Variants in AK8 observed in about 807,000 individuals in gnomAD.
The protein encoded by AK8 is ATP-AMP transphosphorylase 8.
Under a neutral mutation model 54.6 loss-of-function variants are expected in AK8, and 44 were observed. The observed-to-expected ratio is 0.81, with a 90% CI of 0.63 to 1.04. The LOEUF (loss-of-function observed/expected upper bound fraction) is 1.04, where lower values mean the gene tolerates loss of function less well. Among genes scored for constraint, AK8 ranks in the 50% least tolerant of loss-of-function variants. The pLI, the probability that AK8 is intolerant of heterozygous loss-of-function variation, is 0.00. For synonymous variants in AK8, 239 were observed against 245.6 expected (o/e 0.97, Z 0.25); for missense variants, 555 against 613.6 (o/e 0.90, Z 1.01).
At chr9:132,767,389 A>G (rs1355674658) in intron 11 of AK8, among the ~76,000 whole-genome samples, 1 of 152,232 alleles carries the variant, frequency 6.6e-6, no homozygotes, top group Non-Finnish European at 1.5e-5. Flanking sequence ...TGGAAATGCA[A>G]ATTAAAACCA....
intron 5 of AK8, among the ~76,000 whole-genome samples, chr9:132,834,968 C>A (rs1270054958): frequency 3.3e-5 from 5 of 151,746 alleles, no homozygotes; most frequent in Non-Finnish European, 7.4e-5. Context: ...CTCCCGGGTT[C>A]AAGTGATTCT....
At chr9:132,787,666 T>C (rs181629323) in intron 11 of AK8, among the ~76,000 whole-genome samples, 3 of 152,132 alleles carry the variant, frequency 2.0e-5, no homozygotes, top group Admixed American at 1.3e-4. Context: ...GATATAGAAA[T>C]AAAATATCGA....
chr9:132,829,340 C>T (rs539909318), intron 5 of AK8, among the ~76,000 whole-genome samples: 1 of 152,118 alleles, frequency 6.6e-6, no homozygotes, highest in Non-Finnish European at 1.5e-5. Context: ...TCCACATTAT[C>T]AACGGCTGTG....
intron 9 of AK8, among the ~76,000 whole-genome samples, chr9:132,821,284 C>A (rs1468483304): frequency 1.3e-5 from 2 of 151,964 alleles, no homozygotes; most frequent in African/African-American, 2.4e-5. Context: ...TCACTCTGTC[C>A]CTTCCCGTAA....
intron 5 of AK8, among the ~76,000 whole-genome samples, chr9:132,849,504 C>T (rs965922321): frequency 2.0e-5 from 3 of 152,180 alleles, no homozygotes; most frequent in South Asian, 2.1e-4. Context: ...TGTCCACCCC[C>T]GATTTAGAAT....
intron 11 of AK8, among the ~76,000 whole-genome samples, chr9:132,775,006 G>C (rs1839148969): frequency 6.6e-6 from 1 of 152,194 alleles, no homozygotes; most frequent in African/African-American, 2.4e-5. Flanking sequence ...GTCTTTTCAG[G>C]AGGGGAAATT....
intron 11 of AK8, 98 bp downstream of exon 11, chr9:132,792,536 C>G: frequency 7.0e-7 from 1 of 1,432,476 alleles, no homozygotes; most frequent in Non-Finnish European, 9.3e-7. Flanking sequence ...TTCAGGAACA[C>G]GTGAAGGCTT....
Position 132,826,446 on chromosome 9 carries a change from T to C in AK8, c.757+408A>G, listed in dbSNP as rs1241732472. Among the ~76,000 whole-genome samples the C allele has an allele frequency of 6.6e-6, 1 of 152,212 alleles. No homozygotes were observed. The highest frequency in any genetic ancestry group is 1.5e-5 in the Non-Finnish European group (1 of 68,036). On this transcript the variant is annotated intron_variant, in intron 8 of 12. Coordinates refer to ENST00000298545, the MANE Select transcript of AK8 (RefSeq NM_152572.3). The surrounding 1 kb of genome is among the most constrained non-coding windows in gnomAD (Gnocchi z 4.5). ...CCTGTGCTGTGTGTGTGTGTTTTATTGTGTTGTGTGTGGTGGTGGTGGTTT... is the reference window on the plus strand; with the variant it reads ...CCTGTGCTGTGTGTGTGTGTTTTATCGTGTTGTGTGTGGTGGTGGTGGTTT...
intron 1 of AK8, among the ~76,000 whole-genome samples, chr9:132,875,786 A>G (rs1035156342): frequency 5.3e-5 from 8 of 152,314 alleles, no homozygotes; most frequent in East Asian, 1.9e-4. Context: ...GTCTGCCTAG[A>G]GCCCTTGGCA....
rs918157479 is a variant in AK8 at position 132,809,129 on chromosome 9, G to A, written c.979+5509C>T. Reference sequence around the variant, plus strand: ...CTAACAGGCAGGGGAGTGACTGGGTGCTTTCCTATGTTCCCAGGAATGCCG... The same window carrying A: ...CTAACAGGCAGGGGAGTGACTGGGTACTTTCCTATGTTCCCAGGAATGCCG... On this transcript the variant is annotated intron_variant, in intron 10 of 12. Transcript: ENST00000298545. 4.6e-5 allele frequency among the ~76,000 whole-genome samples: 7 copies of A among 152,216 alleles called. 1 individual carries two copies. The South Asian group carries it at 1.4e-3, about 32-fold the overall frequency.
chr9:132,750,633 G>A (rs1837873381), intron 11 of AK8, among the ~76,000 whole-genome samples: 1 of 151,798 alleles, frequency 6.6e-6, no homozygotes, highest in Non-Finnish European at 1.5e-5. Flanking sequence ...GACTAGCAAA[G>A]ATAAGGGTTC....
chr9:132,827,302 CT>C (rs1841914019), intron 7 of AK8: 1 of 571,120 alleles, frequency 1.8e-6, no homozygotes, highest in Middle Eastern at 4.7e-4. Context: ...CTTCTGAGCA[CT>C]TACTCTGTGC....
At position 132,863,678 on chromosome 9, in the gene AK8, T is replaced by A; in HGVS notation, c.320A>T (p.Tyr107Phe). 1 of 1,613,322 alleles carries A rather than the reference T, an allele frequency of 6.2e-7. No individual in the cohort carries two copies. The change falls in exon 4 of 13, where the codon TAT becomes TTT. Residue 107 changes from tyrosine (Y) to phenylalanine (F), a missense_variant. Coordinates refer to ENST00000298545, the MANE Select transcript of AK8 (RefSeq NM_152572.3). Reference sequence around the variant, plus strand: ...GGCCAGTCCTACCTTCCTTTGCAGATAAAGCCTTCTGGCTTCGGTGGCCGT... The same window carrying A: ...GGCCAGTCCTACCTTCCTTTGCAGAAAAAGCCTTCTGGCTTCGGTGGCCGT... Reference protein sequence around the residue: ...SYTATEARRLYLQRKTVPSAL... With the variant: ...SYTATEARRLFLQRKTVPSAL...
At chr9:132,800,871 A>G (rs927536602) in intron 10 of AK8, among the ~76,000 whole-genome samples, 13 of 151,392 alleles carry the variant, frequency 8.6e-5, no homozygotes, top group African/African-American at 3.2e-4. Context: ...GCATTGACAC[A>G]GCTACCTGAG....
intron 10 of AK8, among the ~76,000 whole-genome samples, chr9:132,798,433 G>A (rs148255813): frequency 1.0e-3 from 152 of 152,306 alleles, no homozygotes; most frequent in Middle Eastern, 3.4e-3. Flanking sequence ...GAAGTTTCGA[G>A]TCCTCTTGAT....
At chr9:132,841,631 G>T (rs945571048) in intron 5 of AK8, among the ~76,000 whole-genome samples, 1 of 152,150 alleles carries the variant, frequency 6.6e-6, no homozygotes, top group Non-Finnish European at 1.5e-5. Flanking sequence ...ATGCCACACT[G>T]ACCTGGCCTG....
At chr9:132,788,170 A>G (rs1218173603) in intron 11 of AK8, among the ~76,000 whole-genome samples, 1 of 152,224 alleles carries the variant, frequency 6.6e-6, no homozygotes, top group East Asian at 1.9e-4. Flanking sequence ...AAAAAGCAAG[A>G]TGATTATTAA....
At chr9:132,855,295 G>A (rs1843133705) in intron 4 of AK8, among the ~76,000 whole-genome samples, 1 of 152,200 alleles carries the variant, frequency 6.6e-6, no homozygotes, top group South Asian at 2.1e-4. Context: ...CATCCTGGAT[G>A]GAGAACTCTG....
chr9:132,846,488 G>C (rs955319824), intron 5 of AK8, among the ~76,000 whole-genome samples: 2 of 151,400 alleles, frequency 1.3e-5, no homozygotes, highest in South Asian at 4.2e-4. Flanking sequence ...AAAGTGATTT[G>C]TTGCATGAGA....
Sources: gnomAD v4.1 joint callset for allele counts (sites outside exome capture counted in the v4.1 genomes callset) on GRCh38, gnomAD v4.1.1 for gene constraint, Gnocchi (gnomAD v3.1) non-coding constraint, MANE v1.5 for transcripts, NCBI Gene and HGNC (gene_info 2026-07-23, HGNC 2026-07-21) for gene names.